PPP6R3: variants seen among roughly 807,000 people sequenced by gnomAD.
PPP6R3 encodes the protein protein phosphatase 6 regulatory subunit 3, also known as serine/threonine-protein phosphatase 6 regulatory subunit 3.
PPP6R3 carries 38 observed loss-of-function variants against 110.7 expected under a neutral mutation model. The observed-to-expected ratio is 0.34, with a 90% CI of 0.26 to 0.45. The LOEUF (loss-of-function observed/expected upper bound fraction) is 0.45. Among genes scored for constraint, PPP6R3 ranks in the 20% least tolerant of loss-of-function variants. The probability of loss-of-function intolerance (pLI) is 1.00; values close to 1 mark genes in which losing one functional copy is unlikely to be tolerated. For missense variants in PPP6R3, 870 were observed against 1,062.4 expected (o/e 0.82, Z 2.52); for synonymous variants, 369 against 373.5 (o/e 0.99, Z 0.14).
rs370918342 is a variant in PPP6R3 at position 68,613,927 on chromosome 11, T to TTTG, written c.*813_*815dup. On this transcript the variant is annotated 3_prime_UTR_variant, in exon 24 of 24. Coordinates refer to ENST00000393800, the MANE Select transcript of PPP6R3 (RefSeq NM_001164161.2). ...TTTTTTTTTTTTTTTGGCTTTTGTT[T>TTTG]TTGTTTGTTTTTTTGTTTCATTTGG... 781 of 984,896 alleles carry TTTG rather than the reference T, an allele frequency of 7.9e-4. 10 individuals carry two copies. In the African/African-American group the frequency reaches 0.013, roughly 16 times the overall value. 61.0% of individuals were successfully genotyped at this position (984,896 alleles called of 1,614,324 possible).
At chr11:68,571,204 T>C in intron 12 of PPP6R3, 100 bp downstream of exon 12, 2 of 1,402,804 alleles carry the variant, frequency 1.4e-6, no homozygotes, top group Non-Finnish European at 1.9e-6. Flanking sequence ...AATAATTACA[T>C]GATACTGGCC....
At chr11:68,573,115 T>TATATATATATATATATAA (rs2099514802) in intron 12 of PPP6R3, among the ~76,000 whole-genome samples, 1 of 5,792 alleles carries the variant, frequency 1.7e-4, no homozygotes, top group East Asian at 2.8e-3. Flanking sequence ...TTACTTATTT[T>TATATATATATATATATAA]ATATATATAT....
At chr11:68,531,307 T>TTTGA (rs143892274) in intron 2 of PPP6R3, among the ~76,000 whole-genome samples, 3 of 136,952 alleles carry the variant, frequency 2.2e-5, no homozygotes, top group African/African-American at 8.2e-5. Flanking sequence ...TGAGACTGTG[T>TTTGA]TTTATTTATT....
At chr11:68,574,975 C>T (rs1807064925) in intron 13 of PPP6R3, among the ~76,000 whole-genome samples, 1 of 152,190 alleles carries the variant, frequency 6.6e-6, no homozygotes, top group South Asian at 2.1e-4. Flanking sequence ...TTTGTTTGTT[C>T]AAGAGGCTAT....
At chr11:68,540,398 TGTGCAAATAGGTGTGG>T (rs1565701050) in intron 3 of PPP6R3, among the ~76,000 whole-genome samples, 1 of 150,452 alleles carries the variant, frequency 6.6e-6, no homozygotes, top group Non-Finnish European at 1.5e-5. Flanking sequence ...GGGGAGGGAG[TGTGCAAATAGGTGTGG>T]GTGACAGACA....
At chr11:68,499,410 T>G (rs527286378) in intron 1 of PPP6R3, among the ~76,000 whole-genome samples, 1 of 152,324 alleles carries the variant, frequency 6.6e-6, no homozygotes, top group East Asian at 1.9e-4. Flanking sequence ...GCCAGGGATG[T>G]CTGAGTTTCC....
At chr11:68,553,246 A>G (rs1436107358) in intron 6 of PPP6R3, among the ~76,000 whole-genome samples, 1 of 151,036 alleles carries the variant, frequency 6.6e-6, no homozygotes, top group Non-Finnish European at 1.5e-5. Context: ...AGAAGGCTTA[A>G]TATTTCTTAT....
At chr11:68,484,852 G>A (rs1722430395) in intron 1 of PPP6R3, among the ~76,000 whole-genome samples, 1 of 152,128 alleles carries the variant, frequency 6.6e-6, no homozygotes, top group Admixed American at 6.6e-5. Flanking sequence ...CTCCCAATGT[G>A]CTGAGATTAC....
At chr11:68,596,341 G>C in intron 19 of PPP6R3, 123 bp downstream of exon 19, 1 of 1,333,658 alleles carries the variant, frequency 7.5e-7, no homozygotes. Context: ...GTTGAAGCGT[G>C]TTGTCAAGTG....
intron 1 of PPP6R3, among the ~76,000 whole-genome samples, chr11:68,486,603 T>TTA (rs772553770): frequency 4.5e-5 from 5 of 111,682 alleles, no homozygotes; most frequent in Non-Finnish European, 7.3e-5. Flanking sequence ...GACTCTGTCT[T>TTA]AAAAAAAAAA....
chr11:68,597,336 A>G (rs2099616887), intron 19 of PPP6R3, among the ~76,000 whole-genome samples: 1 of 152,208 alleles, frequency 6.6e-6, no homozygotes, highest in Admixed American at 6.5e-5. Flanking sequence ...AAATGCCCAG[A>G]ACGTGCTGTT....
At chr11:68,553,309 T>C (rs61192748) in intron 6 of PPP6R3, among the ~76,000 whole-genome samples, 3,576 of 151,952 alleles carry the variant, frequency 0.024, 142 homozygotes, top group African/African-American at 0.081. Flanking sequence ...TTTTTTTTTT[T>C]TGAGACGGAG....
chr11:68,587,865 A>C, intron 15 of PPP6R3, 62 bp from the exon 16 acceptor site: 1 of 1,351,350 alleles, frequency 7.4e-7, no homozygotes, highest in Non-Finnish European at 1.1e-6. Flanking sequence ...ACAAATGGGC[A>C]AATAGTATGT....
intron 3 of PPP6R3, among the ~76,000 whole-genome samples, chr11:68,543,588 G>C (rs2099330328): frequency 6.6e-6 from 1 of 152,138 alleles, no homozygotes; most frequent in African/African-American, 2.4e-5. Context: ...GGATGCCCCA[G>C]GTGTGTCGTA....
At chr11:68,587,521 G>C in intron 15 of PPP6R3, 1 of 214,858 alleles carries the variant, frequency 4.7e-6, no homozygotes, top group Admixed American at 5.6e-5. Flanking sequence ...GTGGCAAGGA[G>C]GGAGGGGGTG....
intron 1 of PPP6R3, among the ~76,000 whole-genome samples, chr11:68,505,879 G>C (rs1410925109): frequency 6.6e-6 from 1 of 152,094 alleles, no homozygotes; most frequent in African/African-American, 2.4e-5. Context: ...AGAATTGCCA[G>C]CTACACATTA....
At chr11:68,559,342 T>C (rs933722121) in intron 8 of PPP6R3, among the ~76,000 whole-genome samples, 1 of 152,280 alleles carries the variant, frequency 6.6e-6, no homozygotes, top group Non-Finnish European at 1.5e-5. Context: ...GCAGATTTAC[T>C]CATTATCAGA....
At chr11:68,478,382 G>A (rs1000723081) in intron 1 of PPP6R3, among the ~76,000 whole-genome samples, 1 of 152,074 alleles carries the variant, frequency 6.6e-6, no homozygotes, top group African/African-American at 2.4e-5. Context: ...TGCACAATTT[G>A]TCATTCTGTA....
intron 6 of PPP6R3, 95 bp from the exon 7 acceptor site, chr11:68,554,050 T>A: frequency 2.1e-6 from 2 of 932,348 alleles, no homozygotes; most frequent in Non-Finnish European, 3.2e-6. Context: ...CCAGTGTTAA[T>A]TTGTTATTTC....
Sources: allele counts gnomAD v4.1 joint callset (sites outside exome capture counted in the v4.1 genomes callset), GRCh38; gene constraint gnomAD v4.1.1; transcripts MANE v1.5; gene names NCBI Gene and HGNC (gene_info 2026-07-23, HGNC 2026-07-21).